Variants in KCTD18 observed in about 807,000 individuals in gnomAD.
The protein encoded by KCTD18 is potassium channel tetramerization domain containing 18.
Under a neutral mutation model 30.4 loss-of-function variants are expected in KCTD18, and 22 were observed. The observed-to-expected ratio is 0.72, with a 90% CI of 0.52 to 1.03. The LOEUF is 1.03. Among genes scored for constraint, KCTD18 ranks in the 50% least tolerant of loss-of-function variants. The pLI, the probability that KCTD18 is intolerant of heterozygous loss-of-function variation, is 0.00. For missense variants in KCTD18, 529 were observed against 547.6 expected (o/e 0.97, Z 0.34); for synonymous variants, 186 against 209.0 (o/e 0.89, Z 0.95).
chr2:200,503,780 C>T (rs1250527811), intron 3 of KCTD18, among the ~76,000 whole-genome samples: 1 of 152,198 alleles, frequency 6.6e-6, no homozygotes, highest in Non-Finnish European at 1.5e-5. Context: ...TTCCTAAACG[C>T]TGACATCCAA....
chr2:200,497,665 T>TA (rs2088015982), intron 5 of KCTD18, 88 bp downstream of exon 5: 1 of 886,938 alleles, frequency 1.1e-6, no homozygotes, highest in East Asian at 2.4e-5. Flanking sequence ...GAATACTTTC[T>TA]AAAAAAAGAA....
rs754693447 is a variant in KCTD18 at position 200,493,151 on chromosome 2, AAAC to A, written c.764+18_764+20del. On this transcript the variant is annotated intron_variant, in intron 6 of 6. Transcript: ENST00000359878. ...CAGCGATTAAAAAAACAAAACAAAT[AAAC>A]AACACAGCATAGATAACCTCTTTCG... The A allele has an allele frequency of 1.2e-5, 18 of 1,447,856 alleles. No homozygotes were observed. In the African/African-American group the frequency reaches 2.2e-4, roughly 18 times the overall value. 89.7% of individuals were successfully genotyped at this position (1,447,856 alleles called of 1,614,324 possible).
chr2:200,507,247 C>A (rs906954493), intron 1 of KCTD18, among the ~76,000 whole-genome samples, 156 bp from the exon 2 acceptor site: 5 of 152,088 alleles, frequency 3.3e-5, no homozygotes, highest in Non-Finnish European at 7.4e-5. Context: ...TCGAGATATG[C>A]TAAGAAGTTG....
At chr2:200,500,372 C>A (rs2088066252) in intron 3 of KCTD18, among the ~76,000 whole-genome samples, 1 of 151,800 alleles carries the variant, frequency 6.6e-6, no homozygotes, top group Non-Finnish European at 1.5e-5. Flanking sequence ...GATTGTATAT[C>A]TAGAAAACCC....
At chr2:200,493,355 C>T in intron 5 of KCTD18, 81 bp from the exon 6 acceptor site, 1 of 845,408 alleles carries the variant, frequency 1.2e-6, no homozygotes, top group African/African-American at 1.7e-5. Flanking sequence ...TAAGACCTGC[C>T]AGAGTCTGAG....
chr2:200,499,058 A>G lies in KCTD18; in HGVS notation c.399T>C (p.Tyr133=). The G allele has an allele frequency of 6.2e-7, 1 of 1,612,744 alleles. No homozygotes were observed. The highest frequency in any genetic ancestry group is 8.5e-7 in the Non-Finnish European group (1 of 1,179,510). Residue 133 remains tyrosine (Y), a synonymous_variant, in exon 4 of 7, where the codon TAT becomes TAC. Coordinates refer to ENST00000359878, the MANE Select transcript of KCTD18 (RefSeq NM_152387.4). The stretch of plus-strand genomic sequence containing the variant: ...CTGTTGGTTTATTGCAGACTAAGCC[A>G]TATGAATCACAGAAGTCTGTTAAAG... ...KKALTDFCDS[Y]GLVCNKPTVW...
chr2:200,500,534 G>C (rs1030832835), intron 3 of KCTD18, among the ~76,000 whole-genome samples: 5 of 150,270 alleles, frequency 3.3e-5, no homozygotes, highest in African/African-American at 1.2e-4. Context: ...ATTCACAATT[G>C]CTTCAAAGAG....
At chr2:200,506,382 C>A (rs11678210) in intron 2 of KCTD18, among the ~76,000 whole-genome samples, 5 of 152,016 alleles carry the variant, frequency 3.3e-5, no homozygotes, top group East Asian at 1.9e-4. Context: ...TTTTCTCAGC[C>A]GTGCACATTG....
Position 200,489,937 on chromosome 2 carries a change from A to G in KCTD18, c.*163T>C, listed in dbSNP as rs2087880335. ...TGAGAAATGGAGCCTTAACCATTGA[A>G]AGTCTCCCCTCCTCCATTCCTAGCT... On this transcript the variant is annotated 3_prime_UTR_variant, in exon 7 of 7. Coordinates refer to ENST00000359878, the MANE Select transcript of KCTD18 (RefSeq NM_152387.4). 5.9e-6 allele frequency: 4 copies of G among 682,334 alleles called. No individual in the cohort carries two copies. The highest frequency in any genetic ancestry group is 9.3e-6 in the Non-Finnish European group (4 of 431,540). The allele number at this position is 682,334 out of a possible 1,614,324, so 42.3% of individuals were successfully genotyped here.
chr2:200,501,175 G>A (rs878931845), intron 3 of KCTD18, among the ~76,000 whole-genome samples: 3 of 151,722 alleles, frequency 2.0e-5, no homozygotes, highest in African/African-American at 4.8e-5. Flanking sequence ...CTAAAACCAT[G>A]AAAACCCTAG....
intron 1 of KCTD18, among the ~76,000 whole-genome samples, chr2:200,509,109 G>GT (rs1186121303): frequency 6.6e-6 from 1 of 152,100 alleles, no homozygotes; most frequent in Admixed American, 6.5e-5. Context: ...GCCAGCCATT[G>GT]TAAGAGACAC....
chr2:200,501,681 T>C (rs1419394947), intron 3 of KCTD18, among the ~76,000 whole-genome samples: 1 of 146,674 alleles, frequency 6.8e-6, no homozygotes, highest in Admixed American at 7.0e-5. Context: ...ACTTTTACAC[T>C]GTTGGTGGGA....
intron 3 of KCTD18, among the ~76,000 whole-genome samples, chr2:200,503,443 C>T (rs2029984905): frequency 6.6e-6 from 1 of 152,162 alleles, no homozygotes; most frequent in Admixed American, 6.5e-5. Flanking sequence ...TGTACAGTGC[C>T]ATACATGTCA....
intron 1 of KCTD18, among the ~76,000 whole-genome samples, chr2:200,508,210 C>G (rs2030306610): frequency 6.6e-6 from 1 of 152,222 alleles, no homozygotes; most frequent in African/African-American, 2.4e-5. Context: ...CTGCCTCAGC[C>G]TCCTGAGTAG....
chr2:200,494,779 A>C (rs568331547), intron 5 of KCTD18, among the ~76,000 whole-genome samples: 35 of 152,336 alleles, frequency 2.3e-4, no homozygotes, highest in African/African-American at 7.5e-4. Flanking sequence ...ATAGTTATGT[A>C]TCCATAGTCA....
chr2:200,509,389 A>G (rs1458816718), intron 1 of KCTD18, among the ~76,000 whole-genome samples: 1 of 152,092 alleles, frequency 6.6e-6, no homozygotes, highest in Non-Finnish European at 1.5e-5. Flanking sequence ...GCATCTGTCC[A>G]TCTCAAGACT....
At position 200,504,767 on chromosome 2, in the gene KCTD18, G is replaced by C. The variant is rs2030068463; in HGVS notation, c.353C>G (p.Ser118Ter). ...ANEMETYSLR[S>*]NIELKKALTD... The stretch of plus-strand genomic sequence containing the variant: ...CAAGACCTTTTTAAGTTCTATATTT[G>C]ACCTTAAAGAATATGTCTCCATTTC... The change falls in exon 3 of 7, where the codon TCA (serine) becomes TGA (stop). Residue 118 changes from serine to a stop codon, truncating the protein, a stop_gained. Transcript: ENST00000359878. LOFTEE classifies it high-confidence loss of function. 1 of 1,613,320 alleles carries C rather than the reference G, an allele frequency of 6.2e-7. No individual in the cohort carries two copies. The highest frequency in any genetic ancestry group is 1.7e-5 in the Admixed American group (1 of 59,928).
chr2:200,498,581 GCTTTT>G (rs1247542796), intron 4 of KCTD18, among the ~76,000 whole-genome samples: 1 of 152,180 alleles, frequency 6.6e-6, no homozygotes, highest in African/African-American at 2.4e-5. Flanking sequence ...CAGGCATGTG[GCTTTT>G]CTTTTTTCTT....
intron 3 of KCTD18, among the ~76,000 whole-genome samples, chr2:200,501,221 A>G (rs2106282110): frequency 6.6e-6 from 1 of 151,302 alleles, no homozygotes; most frequent in African/African-American, 2.4e-5. Context: ...GGACATAGGC[A>G]TGGGCAAGGA....
Sources: gnomAD v4.1 joint callset for allele counts (sites outside exome capture counted in the v4.1 genomes callset) on GRCh38, gnomAD v4.1.1 for gene constraint, MANE v1.5 for transcripts, NCBI Gene and HGNC (gene_info 2026-07-23, HGNC 2026-07-21) for gene names.